GALC: variants seen among roughly 807,000 people sequenced by gnomAD.
GALC encodes the protein galactosylceramidase.
GALC carries 77 observed loss-of-function variants against 91.8 expected under a neutral mutation model. That is an observed-to-expected ratio of 0.84 (90% CI 0.70 to 1.01). The LOEUF (loss-of-function observed/expected upper bound fraction) is 1.01. Among genes scored for constraint, GALC ranks in the 50% least tolerant of loss-of-function variants. The pLI is 0.00. For synonymous variants in GALC, 357 were observed against 306.7 expected, an observed-to-expected ratio of 1.16 and a Z score of -1.71; for missense variants, 882 against 855.9, an observed-to-expected ratio of 1.03 and a Z score of -0.38.
intron 12 of GALC, 116 bp downstream of exon 12, chr14:87,949,729 C>CT (rs1238274079): frequency 1.4e-5 from 9 of 638,628 alleles, no homozygotes; most frequent in Non-Finnish European, 2.3e-5. Flanking sequence ...GAGCTAAACA[C>CT]ATCTATAAAC....
chr14:87,986,842 A>G lies in GALC; in HGVS notation c.329-240T>C, dbSNP rs2165567. The G allele has an allele frequency of 0.36, 191,883 of 530,374 alleles. 37,700 individuals are homozygous for G. Among genetic ancestry groups the G allele is most frequent in the East Asian group, 0.61 (17,427 of 28,564 alleles). 32.9% of individuals were successfully genotyped at this position (530,374 alleles called of 1,614,324 possible). ...AGTCTTAATAAAACCACAACCTTCT[A>G]TTACAAGCAGTACTGAGAGAAATGT... On this transcript the variant is annotated intron_variant, in intron 3 of 16. Transcript: ENST00000261304.
At chr14:87,955,189 G>C in intron 10 of GALC, 1 of 1,234,170 alleles carries the variant, frequency 8.1e-7, no homozygotes, top group Non-Finnish European at 1.2e-6. Flanking sequence ...GCATGGAGCC[G>C]ATGCCCTTTT....
chr14:87,951,889 T>G lies in GALC; in HGVS notation c.1162-1141A>C, dbSNP rs751396500. On this transcript the variant is annotated intron_variant, in intron 10 of 16. Coordinates refer to ENST00000261304, the MANE Select transcript of GALC (RefSeq NM_000153.4). The stretch of plus-strand genomic sequence containing the variant: ...CCTAGATTAGAAACCAAGAAAGGAT[T>G]TGAGAGTTCAGCTTCTGTCTTGAGA... Among the ~76,000 whole-genome samples, 40 of 151,916 alleles carry G rather than the reference T, an allele frequency of 2.6e-4. 1 individual carries two copies. The highest frequency in any genetic ancestry group is 5.2e-4 in the Non-Finnish European group (35 of 67,852).
chr14:87,934,712 CTA>C lies in GALC; in HGVS notation c.*18_*19del. The C allele has an allele frequency of 6.2e-7, 1 of 1,612,830 alleles. No homozygotes were observed. The highest frequency in any genetic ancestry group is 8.5e-7 in the Non-Finnish European group (1 of 1,179,240). On this transcript the variant is annotated 3_prime_UTR_variant, in exon 17 of 17. Coordinates refer to ENST00000261304, the MANE Select transcript of GALC (RefSeq NM_000153.4). ...AGAAGGGAAGAAAATCCAGAGTATT[CTA>C]TGATGCCCTGTTAAGTATTAGCGTG...
intron 6 of GALC, among the ~76,000 whole-genome samples, chr14:87,977,698 G>A (rs1245680050): frequency 6.6e-6 from 1 of 152,138 alleles, no homozygotes; most frequent in African/African-American, 2.4e-5. Flanking sequence ...AAAGAACAAA[G>A]AATTTCACAA....
intron 4 of GALC, among the ~76,000 whole-genome samples, chr14:87,985,997 T>C (rs1004862033): frequency 6.6e-6 from 1 of 152,348 alleles, no homozygotes; most frequent in East Asian, 1.9e-4. Flanking sequence ...CACTTTTGTA[T>C]GTACCTTTTC....
intron 16 of GALC, among the ~76,000 whole-genome samples, chr14:87,937,686 T>G (rs988617708): frequency 1.3e-4 from 20 of 151,646 alleles, no homozygotes; most frequent in Non-Finnish European, 2.7e-4. Flanking sequence ...GAACAGGATG[T>G]GAGGCAAGAT....
intron 15 of GALC, 77 bp from the exon 16 acceptor site, chr14:87,940,058 C>A (rs994185731): frequency 5.0e-5 from 58 of 1,159,678 alleles, no homozygotes; most frequent in Non-Finnish European, 7.0e-5. Context: ...CAGTGGGGTT[C>A]TTGAGTGGCA....
In GALC at chr14:87,988,191, G is replaced by C; in HGVS notation, c.281C>G (p.Ser94Cys). Residue 94 changes from serine (S) to cysteine (C), a missense_variant, in exon 3 of 17, where the codon TCT becomes TGT. By Grantham distance (112) the Ser-to-Cys change is moderately radical. Transcript: ENST00000261304. ...TATTTCCACTTTTAAAATATGCAAA[G>C]AGGCACCAAAATTCGGCTGTGAAAA... ...DYLFKPNFGA[S>C]LHILKVEIGG... 1 of 1,613,704 alleles carries C rather than the reference G, an allele frequency of 6.2e-7. No individual in the cohort carries two copies. The highest frequency in any genetic ancestry group is 8.5e-7 in the Non-Finnish European group (1 of 1,179,808).
chr14:87,963,768 T>C (rs946884861), intron 9 of GALC, among the ~76,000 whole-genome samples: 7 of 151,884 alleles, frequency 4.6e-5, no homozygotes, highest in Non-Finnish European at 8.8e-5. Flanking sequence ...ATGATCAGTC[T>C]TTTTTTTAAG....
At chr14:87,980,247 G>A (rs974790704) in intron 6 of GALC, among the ~76,000 whole-genome samples, 1 of 152,118 alleles carries the variant, frequency 6.6e-6, no homozygotes, top group Non-Finnish European at 1.5e-5. Flanking sequence ...GCCGGGCGTG[G>A]TGGTGGGCAC....
intron 10 of GALC, among the ~76,000 whole-genome samples, chr14:87,952,072 T>A (rs1055633291): frequency 5.9e-5 from 9 of 151,396 alleles, no homozygotes; most frequent in African/African-American, 1.5e-4. Context: ...AAAATTTTTT[T>A]AAAAAGTAAA....
intron 10 of GALC, 111 bp downstream of exon 10, chr14:87,963,273 T>C (rs770361413): frequency 1.1e-5 from 13 of 1,151,496 alleles, no homozygotes; most frequent in Non-Finnish European, 1.7e-5. Flanking sequence ...GATCTTGGCA[T>C]CTGTCTGTAT....
chr14:87,953,225 T>C, intron 10 of GALC: 1 of 1,505,732 alleles, frequency 6.6e-7, no homozygotes, highest in East Asian at 2.3e-5. Context: ...TTTCTCTGTA[T>C]AATTACCTCC....
Position 87,933,203 on chromosome 14 carries a change from C to T in GALC, c.*1529G>A, listed in dbSNP as rs1467197614. The T allele has an allele frequency of 2.0e-5, 3 of 152,324 alleles. No individual in the cohort carries two copies. Among genetic ancestry groups the T allele is most frequent in the South Asian group, 2.1e-4 (1 of 4,824 alleles). The allele number at this position is 152,324 out of a possible 1,614,324, so 9.4% of individuals were successfully genotyped here. A position where few individuals can be genotyped will look rare whatever the true frequency, so the allele number is the denominator to read the frequency against. ...ATTCATAAGAATACACAGTACATGA[C>T]GCCGCTTTCATGATGTTCTGGAACA... is the stretch of plus-strand genomic sequence containing the variant. On this transcript the variant is annotated 3_prime_UTR_variant, in exon 17 of 17. Transcript: ENST00000261304.
chr14:87,956,616 ACACAC>A (rs770144320), intron 10 of GALC, among the ~76,000 whole-genome samples: 16 of 132,566 alleles, frequency 1.2e-4, no homozygotes, highest in African/African-American at 3.3e-5. Context: ...ACACACACAC[ACACAC>A]CATATATATA....
chr14:87,945,791 G>T, intron 13 of GALC, 58 bp from the exon 14 acceptor site: 2 of 1,305,822 alleles, frequency 1.5e-6, no homozygotes, highest in Non-Finnish European at 2.2e-6. Context: ...AGCTCTCCTT[G>T]CTGATATTTT....
At chr14:87,950,777 C>CA in intron 10 of GALC, 29 bp from the exon 11 acceptor site, 1 of 1,457,376 alleles carries the variant, frequency 6.9e-7, no homozygotes, top group Non-Finnish European at 9.6e-7. Flanking sequence ...ATACATTATC[C>CA]AAATGATGTA....
At chr14:87,993,519 G>C, upstream of GALC, 2 of 1,508,984 alleles carry the variant, frequency 1.3e-6, no homozygotes, top group South Asian at 1.2e-5. Context: ...TATCTACCTC[G>C]TGCGAGGACC....
Sources: gnomAD v4.1 joint callset for allele counts (sites outside exome capture counted in the v4.1 genomes callset) on GRCh38, gnomAD v4.1.1 for gene constraint, MANE v1.5 for transcripts, NCBI Gene and HGNC (gene_info 2026-07-23, HGNC 2026-07-21) for gene names.